Variants in EDA observed in about 807,000 individuals in gnomAD.
EDA encodes ectodysplasin-A.
Under a neutral mutation model 23.6 loss-of-function variants are expected in EDA, and 2 were observed. The observed-to-expected ratio is 0.08, with a 90% CI of 0.03 to 0.27. The LOEUF is 0.27. Ranked by LOEUF, EDA falls within the 10% of genes least tolerant of loss-of-function variation. The probability of loss-of-function intolerance (pLI) is 1.00; values close to 1 mark genes in which losing one functional copy is unlikely to be tolerated. For synonymous variants in EDA, 131 were observed against 132.0 expected (o/e 0.99, Z 0.05); for missense variants, 229 against 324.2 (o/e 0.71, Z 2.26).
At chrX:70,033,305 TA>T (rs2020223422) in intron 6 of EDA, 92 bp from the exon 7 acceptor site, 3 of 1,135,124 alleles carry the variant, frequency 2.6e-6, no homozygotes, top group Non-Finnish European at 3.6e-6. Context: ...TGCACTGGGA[TA>T]GGGGTGGGGG....
At chrX:69,938,274 A>G (rs1207369686) in intron 1 of EDA, among the ~76,000 whole-genome samples, 1 of 111,272 alleles carries the variant, frequency 9.0e-6, no homozygotes, top group Admixed American at 9.5e-5. Context: ...TCTTTTGAAT[A>G]AAAGTTAAAA....
chrX:69,682,913 C>T (rs1199894050), intron 1 of EDA, among the ~76,000 whole-genome samples: 1 of 111,365 alleles, frequency 9.0e-6, no homozygotes, highest in Non-Finnish European at 1.9e-5. Flanking sequence ...TGTTTATCAA[C>T]ATGCAATACG....
At chrX:69,676,985 C>T (rs1302962474) in intron 1 of EDA, among the ~76,000 whole-genome samples, 3 of 76,397 alleles carry the variant, frequency 3.9e-5, no homozygotes, top group African/African-American at 9.8e-5. Context: ...CCCCTCCCCC[C>T]ACCCCACAAC....
intron 1 of EDA, among the ~76,000 whole-genome samples, chrX:69,660,533 A>T (rs1380956722): frequency 2.1e-5 from 2 of 95,624 alleles, no homozygotes; most frequent in African/African-American, 4.0e-5. Context: ...GATGTTCCCC[A>T]CCCTGTGTCC....
intron 1 of EDA, among the ~76,000 whole-genome samples, chrX:69,715,258 T>A (rs1357434555): frequency 1.8e-5 from 2 of 109,389 alleles, no homozygotes; most frequent in Non-Finnish European, 3.8e-5. Flanking sequence ...CATCCTCAAG[T>A]AGGCCCCAGT....
intron 1 of EDA, among the ~76,000 whole-genome samples, chrX:69,847,901 T>C (rs1462678898): frequency 1.8e-5 from 2 of 112,056 alleles, no homozygotes; most frequent in African/African-American, 6.5e-5. Flanking sequence ...TGTTTTACTT[T>C]AAATGAAACT....
At chrX:69,975,720 A>G (rs1425607895) in intron 2 of EDA, among the ~76,000 whole-genome samples, 1 of 112,221 alleles carries the variant, frequency 8.9e-6, no homozygotes, top group African/African-American at 3.2e-5. Flanking sequence ...TTCATAATAG[A>G]TTTCAAAGAC....
chrX:69,872,697 A>G (rs1008606504), intron 1 of EDA, among the ~76,000 whole-genome samples: 1 of 111,827 alleles, frequency 8.9e-6, no homozygotes, highest in African/African-American at 3.2e-5. Flanking sequence ...ACAGGAAAAT[A>G]TCACAATTGT....
At chrX:69,704,884 A>G (rs1394301929) in intron 1 of EDA, among the ~76,000 whole-genome samples, 1 of 111,000 alleles carries the variant, frequency 9.0e-6, no homozygotes, top group African/African-American at 3.3e-5. Context: ...ATCGGTATAC[A>G]TATTTTTGTT....
chrX:69,656,726 C>T (rs906303155), intron 1 of EDA, among the ~76,000 whole-genome samples: 2 of 111,671 alleles, frequency 1.8e-5, no homozygotes, highest in African/African-American at 3.3e-5. Context: ...GTTTCACTGT[C>T]ACTACAAGTG....
intron 1 of EDA, among the ~76,000 whole-genome samples, chrX:69,765,542 T>C (rs978293600): frequency 8.0e-5 from 9 of 112,355 alleles, no homozygotes; most frequent in Non-Finnish European, 1.5e-4. Flanking sequence ...ATTGTACTTG[T>C]AGTTGTTTGC....
chrX:69,856,253 T>TGGTGGGTG (rs1178320363), intron 1 of EDA, among the ~76,000 whole-genome samples: 3 of 58,675 alleles, frequency 5.1e-5, no homozygotes, highest in African/African-American at 1.9e-4. Context: ...TAGTATTCCA[T>TGGTGGGTG]GGTGTGTGTG....
intron 1 of EDA, among the ~76,000 whole-genome samples, chrX:69,946,639 A>C (rs891509023): frequency 9.0e-6 from 1 of 111,108 alleles, no homozygotes; most frequent in African/African-American, 3.3e-5. Context: ...TTTGCTTCTT[A>C]TTTGTATCCT....
chrX:69,940,381 G>A (rs2018740035), intron 1 of EDA, among the ~76,000 whole-genome samples: 2 of 110,628 alleles, frequency 1.8e-5, no homozygotes, highest in African/African-American at 3.3e-5. Flanking sequence ...GCATACAGTT[G>A]TTCATAATAG....
intron 2 of EDA, among the ~76,000 whole-genome samples, chrX:69,999,845 G>A (rs1158039218): frequency 3.6e-5 from 4 of 110,900 alleles, no homozygotes; most frequent in East Asian, 2.8e-4. Context: ...AAAAATCTTA[G>A]GTAACTACTA....
chrX:69,960,093 T>C (rs1191678010), intron 2 of EDA, among the ~76,000 whole-genome samples: 1 of 111,529 alleles, frequency 9.0e-6, no homozygotes, highest in East Asian at 2.8e-4. Context: ...TGACAGGATC[T>C]GATGTATGTT....
chrX:69,712,396 C>T (rs868788988), intron 1 of EDA, among the ~76,000 whole-genome samples: 54 of 111,199 alleles, frequency 4.9e-4, no homozygotes, highest in Non-Finnish European at 8.7e-4. Flanking sequence ...AAAAAGTGGG[C>T]GAAGGATATG....
At chrX:69,732,489 C>T (rs1185105539) in intron 1 of EDA, among the ~76,000 whole-genome samples, 2 of 112,376 alleles carry the variant, frequency 1.8e-5, no homozygotes, top group African/African-American at 6.5e-5. Context: ...TTTTCTTATG[C>T]AGTCTATCAT....
intron 2 of EDA, among the ~76,000 whole-genome samples, chrX:70,007,120 G>A (rs1602601310): frequency 8.9e-6 from 1 of 112,080 alleles, no homozygotes; most frequent in East Asian, 2.8e-4. Flanking sequence ...AAATACCACT[G>A]TCTTGATTAC....
Sources: allele counts gnomAD v4.1 joint callset (sites outside exome capture counted in the v4.1 genomes callset), GRCh38; gene constraint gnomAD v4.1.1; transcripts MANE v1.5; gene names NCBI Gene and HGNC (gene_info 2026-07-23, HGNC 2026-07-21).